Variants in RBFOX1 observed in about 807,000 individuals in gnomAD.
RBFOX1 encodes RNA binding protein fox-1 homolog 1.
Under a neutral mutation model 57.7 loss-of-function variants are expected in RBFOX1, and 8 were observed. That is an observed-to-expected ratio of 0.14 (90% CI 0.08 to 0.25). The LOEUF (loss-of-function observed/expected upper bound fraction) is 0.25. Among genes scored for constraint, RBFOX1 ranks in the 10% least tolerant of loss-of-function variants. The pLI is 1.00. For synonymous variants in RBFOX1, 326 were observed against 222.4 expected (o/e 1.47, Z -4.15); for missense variants, 611 against 548.5 (o/e 1.11, Z -1.14).
At chr16:5,409,147 G>C (rs1407870877) in intron 1 of RBFOX1, among the ~76,000 whole-genome samples, 1 of 152,230 alleles carries the variant, frequency 6.6e-6, no homozygotes, top group East Asian at 1.9e-4. Context: ...AGAGAATGCA[G>C]ACAGCAGTAG....
intron 3 of RBFOX1, among the ~76,000 whole-genome samples, chr16:5,841,265 C>T (rs1210566088): frequency 1.3e-5 from 2 of 152,144 alleles, no homozygotes; most frequent in Non-Finnish European, 2.9e-5. Context: ...TGCTTAGATT[C>T]AGTAGCTGAG....
chr16:6,813,183 C>T (rs74007094), intron 3 of RBFOX1, among the ~76,000 whole-genome samples: 1 of 151,838 alleles, frequency 6.6e-6, no homozygotes, highest in Non-Finnish European at 1.5e-5. Context: ...CTTCCTATAA[C>T]AAAATTGTGA....
chr16:7,238,451 T>C (rs976934998), intron 4 of RBFOX1, among the ~76,000 whole-genome samples: 1 of 152,224 alleles, frequency 6.6e-6, no homozygotes, highest in African/African-American at 2.4e-5. Context: ...CCACAGAGCC[T>C]TTGCATGGTT....
At position 7,029,299 on chromosome 16, in the gene RBFOX1, C is replaced by A. The variant is rs138001702; in HGVS notation, c.-15-22758C>A. Among the ~76,000 whole-genome samples, 707 of 138,578 alleles carry A rather than the reference C, an allele frequency of 5.1e-3. 61 individuals carry two copies. Among genetic ancestry groups the A allele is most frequent in the East Asian group, 0.027 (127 of 4,658 alleles). The allele number at this position is 138,578 out of a possible 152,430, so 90.9% of individuals were successfully genotyped here. On this transcript the variant is annotated intron_variant, in intron 3 of 15. Transcript: ENST00000550418. ...GTATATATATACACATATATATATACGTATATGTATATATATATAAAATCA... is the reference window on the plus strand; with the variant it reads ...GTATATATATACACATATATATATAAGTATATGTATATATATATAAAATCA...
intron 4 of RBFOX1, among the ~76,000 whole-genome samples, chr16:7,186,585 CTTAAACATATTTA>C: frequency 8.7e-6 from 1 of 114,438 alleles, no homozygotes; most frequent in Non-Finnish European, 1.8e-5. Flanking sequence ...TAAATATAAG[CTTAAACATATTTA>C]TATAAATATA....
intron 9 of RBFOX1, among the ~76,000 whole-genome samples, chr16:7,598,128 C>T (rs1273238894): frequency 6.6e-6 from 1 of 152,216 alleles, no homozygotes; most frequent in South Asian, 2.1e-4. Context: ...AAATAAGTAT[C>T]TCTTAAGATA....
chr16:5,529,702 G>A (rs1336939670), intron 2 of RBFOX1, among the ~76,000 whole-genome samples: 1 of 152,008 alleles, frequency 6.6e-6, no homozygotes, highest in African/African-American at 2.4e-5. Context: ...GATTAGCTGG[G>A]ATTACAGGCT....
intron 3 of RBFOX1, among the ~76,000 whole-genome samples, chr16:5,733,196 A>G (rs994378490): frequency 5.3e-5 from 8 of 152,224 alleles, no homozygotes; most frequent in Non-Finnish European, 1.2e-4. Flanking sequence ...CAACTAGGAA[A>G]TTAGAATTAA....
At chr16:6,374,380 A>G (rs553937338) in intron 2 of RBFOX1, among the ~76,000 whole-genome samples, 1 of 152,340 alleles carries the variant, frequency 6.6e-6, no homozygotes, top group South Asian at 2.1e-4. Context: ...GACATTCTGA[A>G]TACCTGTTTT....
intron 4 of RBFOX1, among the ~76,000 whole-genome samples, chr16:7,150,060 C>T (rs917144403): frequency 2.6e-5 from 4 of 152,176 alleles, no homozygotes; most frequent in African/African-American, 9.7e-5. Flanking sequence ...TATCTGTGAA[C>T]CTCCTGCCCC....
chr16:5,804,147 A>G (rs1405060408), intron 3 of RBFOX1, among the ~76,000 whole-genome samples: 1 of 152,190 alleles, frequency 6.6e-6, no homozygotes, highest in Non-Finnish European at 1.5e-5. Context: ...AGTCCAATTC[A>G]TTTTGGTGTC....
chr16:6,230,275 A>G (rs940552589), intron 1 of RBFOX1, among the ~76,000 whole-genome samples: 1 of 152,108 alleles, frequency 6.6e-6, no homozygotes, highest in Admixed American at 6.6e-5. Flanking sequence ...GACACTTACT[A>G]TATGCTTGGT....
intron 2 of RBFOX1, among the ~76,000 whole-genome samples, chr16:6,468,114 T>G (rs989199400): frequency 6.6e-6 from 1 of 152,162 alleles, no homozygotes; most frequent in Non-Finnish European, 1.5e-5. Flanking sequence ...AGAAATACTT[T>G]CTTGAAGTCA....
chr16:6,664,476 C>G (rs1568114839), intron 3 of RBFOX1, among the ~76,000 whole-genome samples: 1 of 152,188 alleles, frequency 6.6e-6, no homozygotes, highest in Admixed American at 6.5e-5. Context: ...CTCCTTTGCT[C>G]AGTAAGAACT....
rs375815799 is a variant in RBFOX1 at position 6,694,401 on chromosome 16, C to G, written c.-16+39751C>G. Among the ~76,000 whole-genome samples the G allele has an allele frequency of 8.5e-5, 13 of 152,210 alleles. 1 individual carries two copies. The East Asian group carries it at 2.1e-3, about 25-fold the overall frequency. ...TCTCATCCAAATTCCACTATAAACA[C>G]AAGAAGAAAAAACTGGTTGGTCTTA... On this transcript the variant is annotated intron_variant, in intron 3 of 15. Coordinates refer to ENST00000550418, the MANE Select transcript of RBFOX1 (RefSeq NM_018723.4).
intron 1 of RBFOX1, among the ~76,000 whole-genome samples, chr16:6,079,835 C>G (rs1567405496): frequency 6.6e-6 from 1 of 151,908 alleles, no homozygotes; most frequent in Non-Finnish European, 1.5e-5. Context: ...GACCCTGTCT[C>G]AAGCAAAAAA....
intron 2 of RBFOX1, among the ~76,000 whole-genome samples, chr16:5,565,724 A>C (rs2046044475): frequency 6.6e-6 from 1 of 152,126 alleles, no homozygotes; most frequent in Non-Finnish European, 1.5e-5. Context: ...AGTAGAGTAA[A>C]GCTTTCCTGG....
intron 3 of RBFOX1, among the ~76,000 whole-genome samples, chr16:5,668,744 C>G (rs995922331): frequency 6.6e-5 from 10 of 152,226 alleles, no homozygotes; most frequent in African/African-American, 2.4e-4. Context: ...CTCCCTCCCA[C>G]TTTTGTTTTA....
chr16:7,127,070 G>A (rs551784628), intron 4 of RBFOX1, among the ~76,000 whole-genome samples: 1 of 150,688 alleles, frequency 6.6e-6, no homozygotes, highest in Admixed American at 6.6e-5. Flanking sequence ...GTCCTTCCTA[G>A]ACCCCTTTTG....
Sources: gnomAD v4.1 joint callset for allele counts (sites outside exome capture counted in the v4.1 genomes callset) on GRCh38, gnomAD v4.1.1 for gene constraint, MANE v1.5 for transcripts, NCBI Gene and HGNC (gene_info 2026-07-23, HGNC 2026-07-21) for gene names.